The following NBPF15 variants were observed in gnomAD, a reference collection of about 807,000 sequenced individuals.
NBPF15 encodes NBPF family member NBPF15.
Under a neutral mutation model 62.2 loss-of-function variants are expected in NBPF15, and 74 were observed. The ratio of observed to expected loss-of-function variants is 1.19; its 90% CI spans 0.99 to 1.44. NBPF15 has a LOEUF of 1.44. NBPF15 is among the 40% of genes most tolerant of loss of function. The pLI is 0.00. For missense variants in NBPF15, 790 were observed against 550.0 expected (o/e 1.44, Z -4.36); for synonymous variants, 244 against 209.7 (o/e 1.16, Z -1.41).
In NBPF15 at chr1:144,435,303, C is replaced by G; in HGVS notation, c.580G>C (p.Ala194Pro). 2 of 1,608,482 alleles carry G rather than the reference C, an allele frequency of 1.2e-6. No individual in the cohort carries two copies. The highest frequency in any genetic ancestry group is 2.2e-5 in the East Asian group (1 of 44,854). Reference sequence around the variant, plus strand: ...TCCTCAGGGACTTCCTTTTCTTCAGCCTTCTGCATCTCCCTGATGAGCCAG... The same window carrying G: ...TCCTCAGGGACTTCCTTTTCTTCAGGCTTCTGCATCTCCCTGATGAGCCAG... ...KSSAPREMQK[A>P]EEKEVPEDSL... The change falls in exon 12 of 22, where the codon GCT becomes CCT. Residue 194 changes from alanine to proline, a missense_variant. Physicochemically the swap from Ala to Pro is conservative, Grantham distance 27. Transcript: ENST00000581897.
intron 20 of NBPF15, among the ~76,000 whole-genome samples, chr1:144,424,288 A>C (rs1667984515): frequency 6.6e-6 from 1 of 151,698 alleles, no homozygotes; most frequent in African/African-American, 2.4e-5. Flanking sequence ...GATTTCTAGG[A>C]GAAAAACTGC....
At chr1:144,429,094 T>G (rs1672253634) in intron 14 of NBPF15, among the ~76,000 whole-genome samples, 2 of 151,840 alleles carry the variant, frequency 1.3e-5, no homozygotes, top group African/African-American at 2.4e-5. Context: ...AAATGAAACT[T>G]GGTTCTACAC....
chr1:144,439,628 C>A (rs78400815), intron 8 of NBPF15, among the ~76,000 whole-genome samples: 1 of 151,928 alleles, frequency 6.6e-6, no homozygotes, highest in Non-Finnish European at 1.5e-5. Flanking sequence ...CCCACCCCCA[C>A]CTGATTGCAA....
intron 6 of NBPF15, chr1:144,440,558 C>T (rs1221719998): frequency 3.9e-6 from 1 of 254,694 alleles, no homozygotes; most frequent in African/African-American, 2.3e-5. Flanking sequence ...AAGGCAGAAA[C>T]AGTTTCCCAA....
At chr1:144,430,941 G>T (rs1320191650) in intron 13 of NBPF15, among the ~76,000 whole-genome samples, 4 of 152,044 alleles carry the variant, frequency 2.6e-5, no homozygotes, top group Non-Finnish European at 5.9e-5. Flanking sequence ...ACAAGCTTCA[G>T]TAGCCAATTC....
At chr1:144,428,109 A>G (rs1553539668) in intron 15 of NBPF15, 119 bp from the exon 16 acceptor site, 2 of 694,048 alleles carry the variant, frequency 2.9e-6, no homozygotes, top group Non-Finnish European at 5.3e-6. Flanking sequence ...AGATCCATTA[A>G]TGAGGTAACA....
chr1:144,431,940 C>T (rs1309564389), intron 13 of NBPF15, among the ~76,000 whole-genome samples: 2 of 149,178 alleles, frequency 1.3e-5, no homozygotes, highest in East Asian at 2.0e-4. Flanking sequence ...GTGAATAGTG[C>T]CACAATAAAC....
At chr1:144,457,923 A>C (rs587710098) in intron 3 of NBPF15, among the ~76,000 whole-genome samples, 2 of 151,888 alleles carry the variant, frequency 1.3e-5, no homozygotes, top group Admixed American at 6.6e-5. Flanking sequence ...AACCCTGTCT[A>C]CAAAAAATAG....
intron 4 of NBPF15, among the ~76,000 whole-genome samples, chr1:144,455,625 G>A (rs1435818718): frequency 1.3e-5 from 2 of 152,046 alleles, no homozygotes; most frequent in Non-Finnish European, 2.9e-5. Context: ...CCCAGCTGCA[G>A]GTGGGGGCCT....
chr1:144,442,292 A>T (rs1182548921), intron 6 of NBPF15, among the ~76,000 whole-genome samples: 5 of 123,186 alleles, frequency 4.1e-5, no homozygotes, highest in East Asian at 4.4e-4. Context: ...TGTATATATT[A>T]TATATATATA....
intron 4 of NBPF15, among the ~76,000 whole-genome samples, chr1:144,454,975 G>A (rs587615266): frequency 6.6e-6 from 1 of 151,766 alleles, no homozygotes; most frequent in East Asian, 1.9e-4. Context: ...TTTCAGTGCA[G>A]TGTGGTCTTT....
chr1:144,431,014 G>C (rs1162356713), intron 13 of NBPF15, among the ~76,000 whole-genome samples: 1 of 151,852 alleles, frequency 6.6e-6, no homozygotes, highest in Non-Finnish European at 1.5e-5. Context: ...AGCGAGAAGA[G>C]AAGTTTAGAG....
chr1:144,434,159 C>T (rs1676476912), intron 12 of NBPF15, among the ~76,000 whole-genome samples: 1 of 150,236 alleles, frequency 6.7e-6, no homozygotes, highest in African/African-American at 2.5e-5. Flanking sequence ...ACTTATATCA[C>T]CAGGTAACAT....
In NBPF15 at chr1:144,427,931, C is replaced by G. The variant is rs1427065493; in HGVS notation, c.1100G>C (p.Arg367Thr). 7.6e-5 allele frequency: 58 copies of G among 760,528 alleles called. No homozygotes were observed. Among genetic ancestry groups the G allele is most frequent in the Non-Finnish European group, 1.1e-4 (47 of 411,768 alleles). 47.1% of individuals were successfully genotyped at this position (760,528 alleles called of 1,614,324 possible). Residue 367 changes from arginine to threonine, a missense_variant, in exon 16 of 22, where the codon AGA becomes ACA. Transcript: ENST00000581897. ...ACAACCTGAAGGAGTTGAATAACATCTATCCAGTGAGTCCTGCAAGACTTC... is the reference window on the plus strand; with the variant it reads ...ACAACCTGAAGGAGTTGAATAACATGTATCCAGTGAGTCCTGCAAGACTTC... ...EPEVLQDSLD[R>T]CYSTPSGCLE...
rs587694819 is a variant in NBPF15, at chr1:144,455,212, G to A, written c.-432+1325C>T. Among the ~76,000 whole-genome samples, 3 of 148,866 alleles carry A rather than the reference G, an allele frequency of 2.0e-5. No individual in the cohort carries two copies. The East Asian group carries it at 6.0e-4, about 30-fold the overall frequency. ...GAAAGGAAGGGAGGGAAGGCAGAAG[G>A]GAAGGAGGGAGGGAAAGAATAAAGA... is the stretch of plus-strand genomic sequence containing the variant. On this transcript the variant is annotated intron_variant, in intron 4 of 21. Coordinates refer to ENST00000581897, the MANE Select transcript of NBPF15 (RefSeq NM_001385408.1).
rs1666739997 is a variant in NBPF15, at chr1:144,422,989, A to G, written c.*24T>C. 1.2e-5 allele frequency: 19 copies of G among 1,611,498 alleles called. No individual in the cohort carries two copies. Among genetic ancestry groups the G allele is most frequent in the Non-Finnish European group, 1.6e-5 (19 of 1,179,626 alleles). On this transcript the variant is annotated 3_prime_UTR_variant, in exon 22 of 22. Transcript: ENST00000581897. ...TATAGGTCCTGCCTGCAGGAATGAC[A>G]TCTCTCGGCTTAGTAAGAGCTGCTT...
At chr1:144,445,464 C>G (rs1452430321) in intron 6 of NBPF15, among the ~76,000 whole-genome samples, 2 of 147,910 alleles carry the variant, frequency 1.4e-5, no homozygotes, top group Admixed American at 6.7e-5. Flanking sequence ...TCTGGATTCT[C>G]TCTTCCACTG....
intron 6 of NBPF15, among the ~76,000 whole-genome samples, chr1:144,443,995 C>T (rs1685397239): frequency 6.6e-6 from 1 of 151,810 alleles, no homozygotes. Context: ...TGAAATGATA[C>T]CTGTGTTCTT....
intron 6 of NBPF15, among the ~76,000 whole-genome samples, chr1:144,445,629 G>T (rs1686954624): frequency 6.6e-6 from 1 of 150,466 alleles, no homozygotes; most frequent in African/African-American, 2.4e-5. Flanking sequence ...CATATAAATG[G>T]TAGAATCAGC....
Sources: allele counts gnomAD v4.1 joint callset (sites outside exome capture counted in the v4.1 genomes callset), GRCh38; gene constraint gnomAD v4.1.1; transcripts MANE v1.5; gene names NCBI Gene and HGNC (gene_info 2026-07-23, HGNC 2026-07-21).